PHACTR2: variants seen among roughly 807,000 people sequenced by gnomAD.
PHACTR2 encodes the protein chromosome 6 open reading frame 56.
PHACTR2 carries 30 observed loss-of-function variants against 76.0 expected under a neutral mutation model. That is an observed-to-expected ratio of 0.39 (90% CI 0.30 to 0.54). The LOEUF (loss-of-function observed/expected upper bound fraction) is 0.54, where lower values mean the gene tolerates loss of function less well. PHACTR2 is among the 20% of genes least tolerant of loss of function. PHACTR2 has a pLI of 0.61. For missense variants in PHACTR2, 696 were observed against 781.1 expected, an observed-to-expected ratio of 0.89 and a Z score of 1.30; for synonymous variants, 292 against 292.5, an observed-to-expected ratio of 1.00 and a Z score of 0.02.
At position 143,800,567 on chromosome 6, in the gene PHACTR2, T is replaced by A. The variant is rs1775931202; in HGVS notation, c.1846-6490T>A. Among the ~76,000 whole-genome samples, 1 of 152,168 alleles carries A rather than the reference T, an allele frequency of 6.6e-6. No homozygotes were observed. The highest frequency in any genetic ancestry group is 1.5e-5 in the Non-Finnish European group (1 of 68,018). On this transcript the variant is annotated intron_variant, in intron 11 of 12. Transcript: ENST00000440869. This position sits in a 1 kb window ranked among gnomAD's most constrained non-coding sequence, Gnocchi z 4.8. The stretch of plus-strand genomic sequence containing the variant: ...TGAGCCACCGCACCCAGCCCATCCC[T>A]TTATTTTGAGCCTATGTGTGTCTTT...
Position 143,765,804 on chromosome 6 carries a change from T to C in PHACTR2, c.1232+6T>C. The C allele has an allele frequency of 6.2e-7, 1 of 1,600,114 alleles. No individual in the cohort carries two copies. The highest frequency in any genetic ancestry group is 8.6e-7 in the Non-Finnish European group (1 of 1,169,344). On this transcript the variant is annotated splice_donor_region_variant and intron_variant, in intron 6 of 12. Coordinates refer to ENST00000440869, the MANE Select transcript of PHACTR2 (RefSeq NM_001100164.2). The surrounding 1 kb of genome is among the most constrained non-coding windows in gnomAD (Gnocchi z 4.1). ...AACAGAGAAAATGCAAAATGGTGAG[T>C]TGGGGAACAAACCCCCTATTTTATC...
At position 143,704,859 on chromosome 6, in the gene PHACTR2, C is replaced by T. The variant is rs571306693; in HGVS notation, c.47-7157C>T. On this transcript the variant is annotated intron_variant, in intron 1 of 12. Transcript: ENST00000440869. The stretch of plus-strand genomic sequence containing the variant: ...TGTTTTTGTCTTTGAGATGGGATCT[C>T]GCTCAGTTGCCCAGGCTGGAGTGCA... Among the ~76,000 whole-genome samples, 263 of 152,278 alleles carry T rather than the reference C, an allele frequency of 1.7e-3. 1 individual carries two copies. The highest frequency in any genetic ancestry group is 3.0e-3 in the Non-Finnish European group (206 of 68,022).
chr6:143,626,956 A>G (rs1776273347), intron 1 of PHACTR2, among the ~76,000 whole-genome samples: 1 of 152,264 alleles, frequency 6.6e-6, no homozygotes, highest in South Asian at 2.1e-4. Flanking sequence ...GAGCTACTTT[A>G]CAAGACAAAC....
intron 3 of PHACTR2, 81 bp downstream of exon 3, chr6:143,749,146 G>C: frequency 1.3e-6 from 1 of 752,270 alleles, no homozygotes; most frequent in South Asian, 1.6e-5. Context: ...GAAATTTAAA[G>C]GGATCATGGT....
At chr6:143,728,212 C>CTTTCTTTTTTTTTTTTTTTTTTT (rs1778620741) in intron 2 of PHACTR2, among the ~76,000 whole-genome samples, 1 of 91,894 alleles carries the variant, frequency 1.1e-5, no homozygotes, top group African/African-American at 4.7e-5. Flanking sequence ...TTTTTTTTTT[C>CTTTCTTTTTTTTTTTTTTTTTTT]TTTCTTTTTT....
At position 143,783,477 on chromosome 6, in the gene PHACTR2, G is replaced by A. The variant is rs115810745; in HGVS notation, c.1707+197G>A. Among the ~76,000 whole-genome samples the A allele has an allele frequency of 0.014, 2,120 of 152,142 alleles. 45 individuals are homozygous for A. Among genetic ancestry groups the A allele is most frequent in the African/African-American group, 0.047 (1,937 of 41,500 alleles). ...TCTACAAAAAATAAAAAAATTAGCC[G>A]GCATGGTGGCACATGCCTGTAGTTC... is the stretch of plus-strand genomic sequence containing the variant. On this transcript the variant is annotated intron_variant, in intron 10 of 12. Coordinates refer to ENST00000440869, the MANE Select transcript of PHACTR2 (RefSeq NM_001100164.2). This position sits in a 1 kb window ranked among gnomAD's most constrained non-coding sequence, Gnocchi z 5.2.
chr6:143,617,376 T>C lies in PHACTR2; in HGVS notation c.13+9054T>C, dbSNP rs141724831. Among the ~76,000 whole-genome samples the C allele has an allele frequency of 1.3e-5, 2 of 152,360 alleles. No individual in the cohort carries two copies. Among genetic ancestry groups the C allele is most frequent in the Non-Finnish European group, 2.9e-5 (2 of 68,034 alleles). The stretch of plus-strand genomic sequence containing the variant: ...AGTCTTGAGGGCAGATGCCACATCA[T>C]AGACATCTTTTATGTCTTCCAAAGA... On this transcript the variant is annotated intron_variant, in intron 1 of 11. Coordinates refer to the PHACTR2 transcript ENST00000305766. This position sits in a 1 kb window ranked among gnomAD's most constrained non-coding sequence, Gnocchi z 4.8.
rs1776596189 is a variant in PHACTR2 at position 143,828,682 on chromosome 6, G to C, written c.*4993G>C. 6.6e-6 allele frequency: 1 copy of C among 152,260 alleles called. No individual in the cohort carries two copies. The highest frequency in any genetic ancestry group is 2.4e-5 in the African/African-American group (1 of 41,534). 9.4% of individuals were successfully genotyped at this position (152,260 alleles called of 1,614,324 possible). A position where few individuals can be genotyped will look rare whatever the true frequency, so the allele number is the denominator to read the frequency against. On this transcript the variant is annotated 3_prime_UTR_variant, in exon 13 of 13. Transcript: ENST00000440869. The surrounding 1 kb of genome is among the most constrained non-coding windows in gnomAD (Gnocchi z 4.7). Reference sequence around the variant, plus strand: ...TTTAGCTTGTCACATTGCTAGCACAGCTGCACATATGAGCAAAGCACTGTT... The same window carrying C: ...TTTAGCTTGTCACATTGCTAGCACACCTGCACATATGAGCAAAGCACTGTT...
Position 143,809,139 on chromosome 6 carries a change from G to A in PHACTR2, c.1922+2006G>A, listed in dbSNP as rs1776123558. On this transcript the variant is annotated intron_variant, in intron 12 of 12. Coordinates refer to ENST00000440869, the MANE Select transcript of PHACTR2 (RefSeq NM_001100164.2). The surrounding 1 kb of genome is among the most constrained non-coding windows in gnomAD (Gnocchi z 4.2). ...TTCCTAGAAGTTGGAGTATCTGATAGCCTTATCTTCATTTGATAGCATGAT... is the reference window on the plus strand; with the variant it reads ...TTCCTAGAAGTTGGAGTATCTGATAACCTTATCTTCATTTGATAGCATGAT... 6.6e-6 allele frequency among the ~76,000 whole-genome samples: 1 copy of A among 152,110 alleles called. No homozygotes were observed. Among genetic ancestry groups the A allele is most frequent in the Non-Finnish European group, 1.5e-5 (1 of 68,024 alleles).
At position 143,691,516 on chromosome 6, in the gene PHACTR2, T is replaced by C. The variant is rs925729852; in HGVS notation, c.46+13307T>C. On this transcript the variant is annotated intron_variant, in intron 1 of 12. Transcript: ENST00000440869. ...AACCTGTTTGCTTTTATGTACATTT[T>C]GTTAATATTATAAGCAGCAAAATGA... 4.6e-5 allele frequency among the ~76,000 whole-genome samples: 7 copies of C among 152,236 alleles called. No individual in the cohort carries two copies. In the East Asian group the frequency reaches 1.3e-3, roughly 29 times the overall value.
In PHACTR2 at chr6:143,753,228, AC is replaced by A. The variant is rs1779224587; in HGVS notation, c.296-525del. On this transcript the variant is annotated intron_variant, in intron 3 of 12. Coordinates refer to ENST00000440869, the MANE Select transcript of PHACTR2 (RefSeq NM_001100164.2). The surrounding 1 kb of genome is among the most constrained non-coding windows in gnomAD (Gnocchi z 4.6). ...CTGAACATAGAGTAGCAGTTATATT[AC>A]TGTGTGAAGTTAGCACATCATATAC... Among the ~76,000 whole-genome samples, 1 of 152,198 alleles carries A rather than the reference AC, an allele frequency of 6.6e-6. No homozygotes were observed. Among genetic ancestry groups the A allele is most frequent in the South Asian group, 2.1e-4 (1 of 4,828 alleles).
chr6:143,705,293 ATTTTTTT>A (rs142316800), intron 1 of PHACTR2, among the ~76,000 whole-genome samples: 6 of 107,914 alleles, frequency 5.6e-5, no homozygotes, highest in African/African-American at 2.2e-4. Context: ...TAATTTTTGC[ATTTTTTT>A]TTTTTTTTTT....
At chr6:143,676,401 A>G (rs1357712651), upstream of PHACTR2, among the ~76,000 whole-genome samples, 3 of 152,246 alleles carry the variant, frequency 2.0e-5, no homozygotes, top group Admixed American at 2.0e-4. This position sits in a 1 kb window ranked among gnomAD's most constrained non-coding sequence, Gnocchi z 4.8. Flanking sequence ...TTTTATCAGT[A>G]TTTAAAAATT....
At chr6:143,675,550 C>A (rs1367804590), upstream of PHACTR2, among the ~76,000 whole-genome samples, 5 of 152,198 alleles carry the variant, frequency 3.3e-5, no homozygotes, top group East Asian at 9.6e-4. This position sits in a 1 kb window ranked among gnomAD's most constrained non-coding sequence, Gnocchi z 4.9. Flanking sequence ...GCCTCCTCAC[C>A]CCCAGCCCAA....
rs9484760 is a variant in PHACTR2 at position 143,539,949 on chromosome 6, T to A, written c.217+2742T>A. Among the ~76,000 whole-genome samples the A allele has an allele frequency of 6.6e-6, 1 of 152,170 alleles. No individual in the cohort carries two copies. Among genetic ancestry groups the A allele is most frequent in the Non-Finnish European group, 1.5e-5 (1 of 68,030 alleles). Reference sequence around the variant, plus strand: ...GATTTCATTGGCATCAGGTGCATCCTGGCCATTAGATGACGCTAATGAGTA... The same window carrying A: ...GATTTCATTGGCATCAGGTGCATCCAGGCCATTAGATGACGCTAATGAGTA... On this transcript the variant is annotated intron_variant, in intron 1 of 11. Transcript: ENST00000367584. This position sits in a 1 kb window ranked among gnomAD's most constrained non-coding sequence, Gnocchi z 4.3.
intron 3 of PHACTR2, among the ~76,000 whole-genome samples, chr6:143,749,855 T>A (rs1779149008): frequency 6.6e-6 from 1 of 152,148 alleles, no homozygotes; most frequent in African/African-American, 2.4e-5. Flanking sequence ...TAAAGGACAT[T>A]TTGTTGCAAT....
chr6:143,690,612 A>G (rs965328878), intron 1 of PHACTR2, among the ~76,000 whole-genome samples: 12 of 152,204 alleles, frequency 7.9e-5, no homozygotes, highest in East Asian at 7.7e-4. Flanking sequence ...ATCCCTCCCA[A>G]TTAATCAGGA....
Position 143,537,140 on chromosome 6 carries a change from C to A in PHACTR2, c.150C>A (p.Arg50=). 1 of 331,250 alleles carries A rather than the reference C, an allele frequency of 3.0e-6. No individual in the cohort carries two copies. Among genetic ancestry groups the A allele is most frequent in the Admixed American group, 3.6e-5 (1 of 27,944 alleles). The allele number at this position is 331,250 out of a possible 1,614,324, so 20.5% of individuals were successfully genotyped here. Residue 50 remains arginine, a synonymous_variant, in exon 1 of 12, where the codon CGC becomes CGA. Coordinates refer to the PHACTR2 transcript ENST00000367584. This position sits in a 1 kb window ranked among gnomAD's most constrained non-coding sequence, Gnocchi z 4.4. ...CCGGGGACCCGAGCCCCCGCGGCCG[C>A]TCACAGAGCGACCTCTCGTCGTCCT...
intron 4 of PHACTR2, among the ~76,000 whole-genome samples, chr6:143,759,607 TGA>T (rs375676067): frequency 2.1e-5 from 3 of 144,702 alleles, no homozygotes; most frequent in African/African-American, 7.8e-5. Flanking sequence ...CTAGCCTGAG[TGA>T]GAGAGCGAGA....
Sources: allele counts gnomAD v4.1 joint callset (sites outside exome capture counted in the v4.1 genomes callset), GRCh38; gene constraint gnomAD v4.1.1; non-coding constraint Gnocchi (gnomAD v3.1); transcripts MANE v1.5; gene names NCBI Gene and HGNC (gene_info 2026-07-23, HGNC 2026-07-21).